Variants in PLCXD3 observed in about 807,000 individuals in gnomAD.
PLCXD3 encodes phosphatidylinositol specific phospholipase C X domain containing 3.
In PLCXD3, 19 loss-of-function variants were observed where a neutral mutation model predicts 25.5. That is an observed-to-expected ratio of 0.75 (90% CI 0.52 to 1.09). The LOEUF is 1.09. Ranked by LOEUF, PLCXD3 falls within the 50% of genes least tolerant of loss-of-function variation. PLCXD3 has a pLI of 0.00. For missense variants in PLCXD3, 411 were observed against 388.1 expected (o/e 1.06, Z -0.50); for synonymous variants, 174 against 137.6 (o/e 1.26, Z -1.85).
At chr5:41,343,096 C>A (rs1744198499) in intron 2 of PLCXD3, among the ~76,000 whole-genome samples, 1 of 152,066 alleles carries the variant, frequency 6.6e-6, no homozygotes. Flanking sequence ...CAAAACTGTG[C>A]TATCAAACTT....
chr5:41,420,942 C>T (rs1002617105), intron 1 of PLCXD3, among the ~76,000 whole-genome samples: 2 of 152,052 alleles, frequency 1.3e-5, no homozygotes, highest in African/African-American at 4.8e-5. Flanking sequence ...TTTATTAATA[C>T]TCAGGGATAC....
intron 2 of PLCXD3, among the ~76,000 whole-genome samples, chr5:41,374,868 TTTATGGAGATGGG>T (rs1353220086): frequency 1.3e-5 from 2 of 152,106 alleles, no homozygotes; most frequent in Non-Finnish European, 2.9e-5. Context: ...AAAGCTTCTC[TTTATGGAGATGGG>T]TACTGTCTTG....
intron 2 of PLCXD3, among the ~76,000 whole-genome samples, chr5:41,338,035 G>A (rs991263744): frequency 6.6e-6 from 1 of 152,078 alleles, no homozygotes; most frequent in East Asian, 1.9e-4. Flanking sequence ...AGCCATAGAG[G>A]TGCCACATAT....
chr5:41,386,775 A>T (rs1212222357), intron 1 of PLCXD3, among the ~76,000 whole-genome samples: 1 of 152,204 alleles, frequency 6.6e-6, no homozygotes, highest in Non-Finnish European at 1.5e-5. Flanking sequence ...AACTGACAGC[A>T]TCTGAACAAT....
At chr5:41,510,324 C>T (rs1739020405) in intron 1 of PLCXD3, 100 bp downstream of exon 1, 1 of 1,052,152 alleles carries the variant, frequency 9.5e-7, no homozygotes, top group Non-Finnish European at 1.4e-6. Context: ...GTTTCCCTCC[C>T]GCGGGCATCG....
At chr5:41,357,342 G>T (rs1278604110) in intron 2 of PLCXD3, among the ~76,000 whole-genome samples, 2 of 152,270 alleles carry the variant, frequency 1.3e-5, no homozygotes, top group East Asian at 3.9e-4. Flanking sequence ...TTAAAAAATT[G>T]TTATTGCCAT....
rs560492326 is a variant in PLCXD3 at position 41,311,514 on chromosome 5, T to C, written c.*2103A>G. On this transcript the variant is annotated 3_prime_UTR_variant, in exon 3 of 3. Coordinates refer to ENST00000377801, the MANE Select transcript of PLCXD3 (RefSeq NM_001005473.3). ...CAATGTCTTCATTTGAAAAGAAGAATTGTACTGTGTCCATATCTGTGTGTG... is the reference window on the plus strand; with the variant it reads ...CAATGTCTTCATTTGAAAAGAAGAACTGTACTGTGTCCATATCTGTGTGTG... 6.6e-6 allele frequency: 1 copy of C among 152,260 alleles called. No individual in the cohort carries two copies. The highest frequency in any genetic ancestry group is 1.9e-4 in the East Asian group (1 of 5,186). The allele number at this position is 152,260 out of a possible 1,614,324, so 9.4% of individuals were successfully genotyped here. A position where few individuals can be genotyped will look rare whatever the true frequency, so the allele number is the denominator to read the frequency against.
At chr5:41,493,345 G>T (rs1051980503) in intron 1 of PLCXD3, among the ~76,000 whole-genome samples, 5 of 152,162 alleles carry the variant, frequency 3.3e-5, no homozygotes, top group African/African-American at 1.2e-4. Context: ...GCCCCTACTG[G>T]GGGGTGCCTC....
intron 1 of PLCXD3, among the ~76,000 whole-genome samples, chr5:41,410,217 G>A (rs943687074): frequency 1.5e-4 from 23 of 149,510 alleles, no homozygotes; most frequent in Non-Finnish European, 3.0e-4. Flanking sequence ...TCGGCTCACT[G>A]CAGCCTCCGC....
chr5:41,312,120 C>T lies in PLCXD3; in HGVS notation c.*1497G>A, dbSNP rs1328777585. ...TTTTTTTTTTATTTTTTAGAGTTGT[C>T]AAATATCACAATGACACGAAGGAGG... On this transcript the variant is annotated 3_prime_UTR_variant, in exon 3 of 3. Coordinates refer to ENST00000377801, the MANE Select transcript of PLCXD3 (RefSeq NM_001005473.3). 3 of 150,844 alleles carry T rather than the reference C, an allele frequency of 2.0e-5. No homozygotes were observed. The highest frequency in any genetic ancestry group is 4.4e-5 in the Non-Finnish European group (3 of 67,832). 9.3% of individuals were successfully genotyped at this position (150,844 alleles called of 1,614,324 possible).
At chr5:41,425,251 T>G (rs887821851) in intron 1 of PLCXD3, among the ~76,000 whole-genome samples, 8 of 152,188 alleles carry the variant, frequency 5.3e-5, no homozygotes, top group Non-Finnish European at 1.0e-4. Flanking sequence ...TGTGTTTTCA[T>G]GACTCCAGTG....
intron 1 of PLCXD3, among the ~76,000 whole-genome samples, chr5:41,498,533 T>G (rs1020125707): frequency 1.3e-5 from 2 of 151,630 alleles, no homozygotes; most frequent in African/African-American, 2.4e-5. Flanking sequence ...CTAAAATCTC[T>G]CAACAAAGAA....
rs200483296 is a variant in PLCXD3 at position 41,313,783 on chromosome 5, A to G, written c.813-13T>C. ...GGCAGGAAGAGCTCTGAGAAAGGAA[A>G]CAAAAAGAAAAGTCACAGAAGGCAA... On this transcript the variant is annotated splice_polypyrimidine_tract_variant and intron_variant, in intron 2 of 2. Coordinates refer to ENST00000377801, the MANE Select transcript of PLCXD3 (RefSeq NM_001005473.3). The G allele has an allele frequency of 3.8e-6, 6 of 1,561,072 alleles. No homozygotes were observed. The East Asian group carries it at 1.4e-4, about 36-fold the overall frequency.
intron 1 of PLCXD3, among the ~76,000 whole-genome samples, chr5:41,492,442 T>C (rs1397486313): frequency 6.6e-6 from 1 of 152,098 alleles, no homozygotes; most frequent in African/African-American, 2.4e-5. Context: ...GGAGTATCTT[T>C]GTGGCGTTCT....
intron 1 of PLCXD3, among the ~76,000 whole-genome samples, chr5:41,405,790 TTTG>T (rs1746333804): frequency 6.6e-6 from 1 of 152,110 alleles, no homozygotes; most frequent in Non-Finnish European, 1.5e-5. Context: ...TTTGTTTTGT[TTTG>T]TTTACCATTT....
intron 2 of PLCXD3, among the ~76,000 whole-genome samples, chr5:41,346,821 G>C (rs965753918): frequency 1.3e-5 from 2 of 151,984 alleles, no homozygotes; most frequent in East Asian, 1.9e-4. Flanking sequence ...CCCTCTTGTG[G>C]CTCATTTATT....
intron 1 of PLCXD3, among the ~76,000 whole-genome samples, chr5:41,389,456 C>A (rs982799368): frequency 2.0e-5 from 3 of 152,176 alleles, no homozygotes; most frequent in African/African-American, 7.2e-5. Context: ...TGTTAACTTA[C>A]AAAGGACAAG....
chr5:41,510,355 G>T (rs1473237446), intron 1 of PLCXD3, 69 bp downstream of exon 1: 4 of 1,329,816 alleles, frequency 3.0e-6, no homozygotes, highest in Admixed American at 4.3e-5. Flanking sequence ...CCACTTAGTG[G>T]CAGATAAAGC....
At chr5:41,459,933 T>C (rs1747837631) in intron 1 of PLCXD3, among the ~76,000 whole-genome samples, 1 of 151,846 alleles carries the variant, frequency 6.6e-6, no homozygotes, top group African/African-American at 2.4e-5. Flanking sequence ...AATTATTAGA[T>C]AAAGATAAAT....
Sources: gnomAD v4.1 joint callset for allele counts (sites outside exome capture counted in the v4.1 genomes callset) on GRCh38, gnomAD v4.1.1 for gene constraint, MANE v1.5 for transcripts, NCBI Gene and HGNC (gene_info 2026-07-23, HGNC 2026-07-21) for gene names.